Variants in TTF2 observed in about 807,000 individuals in gnomAD.
The protein encoded by TTF2 is RNA polymerase II termination factor.
TTF2 carries 108 observed loss-of-function variants against 142.4 expected under a neutral mutation model. The ratio of observed to expected loss-of-function variants is 0.76; its 90% CI spans 0.65 to 0.89. TTF2 has a LOEUF of 0.89. TTF2 is among the 40% of genes least tolerant of loss of function. The pLI, the probability that TTF2 is intolerant of heterozygous loss-of-function variation, is 0.00. For missense variants in TTF2, 1,327 were observed against 1,379.8 expected (o/e 0.96, Z 0.61); for synonymous variants, 483 against 506.2 (o/e 0.95, Z 0.61).
intron 10 of TTF2, 113 bp downstream of exon 10, chr1:117,082,060 G>A (rs1273611056): frequency 6.8e-7 from 1 of 1,474,846 alleles, no homozygotes; most frequent in Non-Finnish European, 9.4e-7. Flanking sequence ...TTACTCTACT[G>A]GAAAACCAGT....
chr1:117,092,980 C>T lies in TTF2; in HGVS notation c.2976+79C>T. The stretch of plus-strand genomic sequence containing the variant: ...TCCTGTGTGACAGCACTTCATTTGT[C>T]CAAGTGGGAACAGCCATTTGCCAGC... On this transcript the variant is annotated intron_variant, in intron 18 of 22. Coordinates refer to ENST00000369466, the MANE Select transcript of TTF2 (RefSeq NM_003594.4). The surrounding 1 kb of genome is among the most constrained non-coding windows in gnomAD (Gnocchi z 4.4). 1 of 1,534,626 alleles carries T rather than the reference C, an allele frequency of 6.5e-7. No homozygotes were observed. Among genetic ancestry groups the T allele is most frequent in the Non-Finnish European group, 8.9e-7 (1 of 1,123,364 alleles).
Position 117,063,249 on chromosome 1 carries a change from A to T in TTF2, c.218+776A>T, listed in dbSNP as rs1557797650. On this transcript the variant is annotated intron_variant, in intron 3 of 22. Transcript: ENST00000369466. The surrounding 1 kb of genome is among the most constrained non-coding windows in gnomAD (Gnocchi z 4.1). ...TACTGTTCATACTTCTATTTTTCTT[A>T]ATTTAGTTATATGTATAGTAAGATA... Among the ~76,000 whole-genome samples, 1 of 152,174 alleles carries T rather than the reference A, an allele frequency of 6.6e-6. No homozygotes were observed. The highest frequency in any genetic ancestry group is 1.9e-4 in the East Asian group (1 of 5,186).
chr1:117,084,250 T>C (rs987542086), intron 11 of TTF2, 82 bp downstream of exon 11: 11 of 1,546,080 alleles, frequency 7.1e-6, no homozygotes, highest in Non-Finnish European at 9.7e-6. Flanking sequence ...ATCCCTGAGA[T>C]TTCACTTAAT....
rs536958152 is a variant in TTF2 at position 117,097,568 on chromosome 1, A to G, written c.3269+135A>G. 6.0e-5 allele frequency: 49 copies of G among 823,300 alleles called. No homozygotes were observed. Among genetic ancestry groups the G allele is most frequent in the Non-Finnish European group, 9.1e-5 (44 of 483,988 alleles). The allele number at this position is 823,300 out of a possible 1,614,324, so 51.0% of individuals were successfully genotyped here. ...GAGATGCCTTGCTTTGTATGTGTCTATAGATACAGATCTAAGCAGGGTATA... is the reference window on the plus strand; with the variant it reads ...GAGATGCCTTGCTTTGTATGTGTCTGTAGATACAGATCTAAGCAGGGTATA... On this transcript the variant is annotated intron_variant, in intron 21 of 22. Coordinates refer to ENST00000369466, the MANE Select transcript of TTF2 (RefSeq NM_003594.4). This position sits in a 1 kb window ranked among gnomAD's most constrained non-coding sequence, Gnocchi z 4.1.
rs1647679003 is a variant in TTF2, at chr1:117,083,116, C to G, written c.1904-902C>G. On this transcript the variant is annotated intron_variant, in intron 10 of 22. Transcript: ENST00000369466. ...AATTAGCCAAGCATGGTGGCAGGCG[C>G]CTGTAGTCCCAGCTACTCAGGAGGC... is the stretch of plus-strand genomic sequence containing the variant. Among the ~76,000 whole-genome samples the G allele has an allele frequency of 1.3e-5, 2 of 152,042 alleles. 1 individual carries two copies. The highest frequency in any genetic ancestry group is 1.3e-4 in the Admixed American group (2 of 15,264).
At chr1:117,074,719 A>G (rs1656848343) in intron 4 of TTF2, 151 bp from the exon 5 acceptor site, 6 of 671,560 alleles carry the variant, frequency 8.9e-6, no homozygotes, top group East Asian at 2.9e-5. Flanking sequence ...ATTGGGCACT[A>G]TGCTCACTGC....
chr1:117,095,276 TA>T (rs1649015306), intron 18 of TTF2, 32 bp from the exon 19 acceptor site: 1 of 1,611,404 alleles, frequency 6.2e-7, no homozygotes, highest in Admixed American at 1.7e-5. Flanking sequence ...GTGAATTGCT[TA>T]AACATACAAT....
intron 3 of TTF2, among the ~76,000 whole-genome samples, chr1:117,068,350 C>T (rs1316396635): frequency 6.6e-6 from 1 of 151,962 alleles, no homozygotes; most frequent in African/African-American, 2.4e-5. Flanking sequence ...ACCATGAGAA[C>T]ACTTGGACAT....
chr1:117,072,683 G>A lies in TTF2; in HGVS notation c.219-978G>A, dbSNP rs1020097029. ...CGTGATCCGCCCACCTCAGCCTCCC[G>A]AAGTGCTGGGATTACAGGTGTGAGC... On this transcript the variant is annotated intron_variant, in intron 3 of 22. Coordinates refer to ENST00000369466, the MANE Select transcript of TTF2 (RefSeq NM_003594.4). Among the ~76,000 whole-genome samples the A allele has an allele frequency of 4.6e-5, 7 of 151,958 alleles. No homozygotes were observed. In the East Asian group the frequency reaches 1.2e-3, roughly 25 times the overall value.
At chr1:117,074,354 A>G (rs1317884657) in intron 4 of TTF2, among the ~76,000 whole-genome samples, 1 of 152,188 alleles carries the variant, frequency 6.6e-6, no homozygotes, top group African/African-American at 2.4e-5. Context: ...TGTGATTGTA[A>G]AAGCACTTTG....
Position 117,076,117 on chromosome 1 carries a change from A to G in TTF2, c.1276-63A>G, listed in dbSNP as rs776652110. 8.1e-5 allele frequency: 120 copies of G among 1,484,230 alleles called. No individual in the cohort carries two copies. Among genetic ancestry groups the G allele is most frequent in the Non-Finnish European group, 1.1e-4 (116 of 1,079,736 alleles). 91.9% of individuals were successfully genotyped at this position (1,484,230 alleles called of 1,614,324 possible). Reference sequence around the variant, plus strand: ...AGTTTGGGTGTTTCAGGCTATTTTAATCTGAAACTATTCATCTAACAGTGT... The same window carrying G: ...AGTTTGGGTGTTTCAGGCTATTTTAGTCTGAAACTATTCATCTAACAGTGT... On this transcript the variant is annotated intron_variant, in intron 5 of 22. Transcript: ENST00000369466. This position sits in a 1 kb window ranked among gnomAD's most constrained non-coding sequence, Gnocchi z 4.6.
rs757674275 is a variant in TTF2 at position 117,091,884 on chromosome 1, C to T, written c.2739C>T (p.Thr913=). Residue 913 remains threonine, a synonymous_variant, in exon 17 of 23, where the codon ACC becomes ACT. Coordinates refer to ENST00000369466, the MANE Select transcript of TTF2 (RefSeq NM_003594.4). ...SEAADSPRSS[T]VHILSQLLRL... is the part of the protein sequence containing the mutation. Reference sequence around the variant, plus strand: ...CAGCAGACTCACCGAGATCCAGCACCGTCCACATACTGTCCCAGTTGCTGA... The same window carrying T: ...CAGCAGACTCACCGAGATCCAGCACTGTCCACATACTGTCCCAGTTGCTGA... The T allele has an allele frequency of 1.2e-5, 19 of 1,613,608 alleles. No individual in the cohort carries two copies. In the Middle Eastern group the frequency reaches 6.6e-4, roughly 56 times the overall value.
In TTF2 at chr1:117,097,429, C is replaced by A. The variant is rs749522378; in HGVS notation, c.3265C>A (p.His1089Asn). The change falls in exon 21 of 23, where the codon CAC (histidine) becomes AAC (asparagine). Residue 1089 changes from histidine to asparagine, a missense_variant. Physicochemically the swap from His to Asn is moderately conservative, Grantham distance 68. Transcript: ENST00000369466. The surrounding 1 kb of genome is among the most constrained non-coding windows in gnomAD (Gnocchi z 4.1). Reference sequence around the variant, plus strand: ...AAATCACCTCTTTCTTTTGGACATGCACTGGTAATGATTCCGGATTTGTCC... The same window carrying A: ...AAATCACCTCTTTCTTTTGGACATGAACTGGTAATGATTCCGGATTTGTCC... ...GGNHLFLLDM[H>N]WNPSLEDQAC... is the part of the protein sequence containing the mutation. 1 of 1,613,988 alleles carries A rather than the reference C, an allele frequency of 6.2e-7. No individual in the cohort carries two copies. The highest frequency in any genetic ancestry group is 1.1e-5 in the South Asian group (1 of 91,084).
rs373135082 is a variant in TTF2 at position 117,092,739 on chromosome 1, T to A, written c.2814T>A (p.Asp938Glu). 2 of 1,614,002 alleles carry A rather than the reference T, an allele frequency of 1.2e-6. No homozygotes were observed. The highest frequency in any genetic ancestry group is 1.7e-6 in the Non-Finnish European group (2 of 1,179,988). ...CTTTTTTGTCTGTTCAGGCCCTGGA[T>A]CCAATGGAACTGAAGGGTGAAGGTC... is the stretch of plus-strand genomic sequence containing the variant. ...CHLSLLKSALDPMELKGEGLV... is the reference protein window; with the variant it reads ...CHLSLLKSALEPMELKGEGLV... The change falls in exon 18 of 23, where the codon GAT becomes GAA. Residue 938 changes from aspartate to glutamate, a missense_variant. By Grantham distance (45) the Asp-to-Glu change is conservative. Transcript: ENST00000369466. This position sits in a 1 kb window ranked among gnomAD's most constrained non-coding sequence, Gnocchi z 4.4.
Position 117,093,031 on chromosome 1 carries a change from T to G in TTF2, c.2976+130T>G. The G allele has an allele frequency of 9.8e-7, 1 of 1,023,010 alleles. No individual in the cohort carries two copies. Among genetic ancestry groups the G allele is most frequent in the Non-Finnish European group, 1.4e-6 (1 of 701,030 alleles). 63.4% of individuals were successfully genotyped at this position (1,023,010 alleles called of 1,614,324 possible). ...AGAGCTAGAGCCGTTAAATTCTAGC[T>G]GATCAGATTCTCCCTCCAGTCTTAA... On this transcript the variant is annotated intron_variant, in intron 18 of 22. Coordinates refer to ENST00000369466, the MANE Select transcript of TTF2 (RefSeq NM_003594.4). This position sits in a 1 kb window ranked among gnomAD's most constrained non-coding sequence, Gnocchi z 4.5.
At position 117,101,035 on chromosome 1, in the gene TTF2, A is replaced by G. The variant is rs1649544688; in HGVS notation, c.3345-345A>G. 1.3e-5 allele frequency among the ~76,000 whole-genome samples: 2 copies of G among 152,220 alleles called. No individual in the cohort carries two copies. Among genetic ancestry groups the G allele is most frequent in the African/African-American group, 2.4e-5 (1 of 41,460 alleles). On this transcript the variant is annotated intron_variant, in intron 22 of 22. Transcript: ENST00000369466. This position sits in a 1 kb window ranked among gnomAD's most constrained non-coding sequence, Gnocchi z 5.9. ...CTCTACTTAAACTAGCAGAAATTTG[A>G]TAACCTTTGAGGCCTTATGGACTTA...
chr1:117,072,682 C>T (rs183283892), intron 3 of TTF2, among the ~76,000 whole-genome samples: 60 of 152,156 alleles, frequency 3.9e-4, no homozygotes, highest in Non-Finnish European at 5.4e-4. Flanking sequence ...CTCAGCCTCC[C>T]GAAGTGCTGG....
At position 117,106,910 on chromosome 1, in the gene TTF2, T is replaced by C. The variant is rs1378282586; in HGVS notation, c.*5386T>C. 6.6e-6 allele frequency: 1 copy of C among 152,218 alleles called. No individual in the cohort carries two copies. Among genetic ancestry groups the C allele is most frequent in the Non-Finnish European group, 1.5e-5 (1 of 68,028 alleles). 9.4% of individuals were successfully genotyped at this position (152,218 alleles called of 1,614,324 possible). On this transcript the variant is annotated 3_prime_UTR_variant, in exon 23 of 23. Coordinates refer to ENST00000369466, the MANE Select transcript of TTF2 (RefSeq NM_003594.4). ...TAGAGTATGGGTGGGCTGACAGGTATGTGTATGTTTATTATCCAAGACAGC... is the reference window on the plus strand; with the variant it reads ...TAGAGTATGGGTGGGCTGACAGGTACGTGTATGTTTATTATCCAAGACAGC...
At chr1:117,065,601 A>C (rs1656035151) in intron 3 of TTF2, among the ~76,000 whole-genome samples, 2 of 152,204 alleles carry the variant, frequency 1.3e-5, no homozygotes, top group Admixed American at 1.3e-4. Flanking sequence ...TGTCTCAAAA[A>C]AAAAATGTCT....
Sources: allele counts gnomAD v4.1 joint callset (sites outside exome capture counted in the v4.1 genomes callset), GRCh38; gene constraint gnomAD v4.1.1; non-coding constraint Gnocchi (gnomAD v3.1); transcripts MANE v1.5; gene names NCBI Gene and HGNC (gene_info 2026-07-23, HGNC 2026-07-21).